Variants in FBN1 observed in about 807,000 individuals in gnomAD.
FBN1 encodes fibrillin 1, also known as fibrillin-1.
A neutral mutation model predicts 365.1 loss-of-function variants in FBN1; 29 were observed. The ratio of observed to expected loss-of-function variants is 0.08; its 90% CI spans 0.06 to 0.11. The LOEUF (loss-of-function observed/expected upper bound fraction) is 0.11, where lower values mean the gene tolerates loss of function less well. FBN1 is among the 10% of genes least tolerant of loss of function. The probability of loss-of-function intolerance (pLI) is 1.00; values close to 1 mark genes in which losing one functional copy is unlikely to be tolerated. For synonymous variants in FBN1, 1,210 were observed against 1,270.5 expected, an observed-to-expected ratio of 0.95 and a Z score of 1.01; for missense variants, 2,476 against 3,703.2, an observed-to-expected ratio of 0.67 and a Z score of 8.60.
intron 55 of FBN1, among the ~76,000 whole-genome samples, chr15:48,432,524 G>A (rs1205064973): frequency 6.6e-6 from 1 of 152,160 alleles, no homozygotes; most frequent in East Asian, 1.9e-4. Flanking sequence ...TGTATTATGA[G>A]AACGTATTTA....
intron 4 of FBN1, among the ~76,000 whole-genome samples, chr15:48,601,053 G>T (rs921022223): frequency 9.2e-5 from 14 of 152,192 alleles, no homozygotes; most frequent in Non-Finnish European, 2.1e-4. Context: ...AGCTGGATTT[G>T]CCTGAGAAAG....
At chr15:48,618,228 A>G (rs1597636435) in intron 2 of FBN1, among the ~76,000 whole-genome samples, 2 of 152,204 alleles carry the variant, frequency 1.3e-5, no homozygotes, top group South Asian at 4.1e-4. Flanking sequence ...CAAGGTTAAA[A>G]TAACTTCCAC....
At chr15:48,609,634 T>C (rs2044641956) in intron 4 of FBN1, among the ~76,000 whole-genome samples, 2 of 152,316 alleles carry the variant, frequency 1.3e-5, no homozygotes, top group Middle Eastern at 6.8e-3. Context: ...CCACTCTCCA[T>C]CTGTTGTTGG....
intron 10 of FBN1, among the ~76,000 whole-genome samples, chr15:48,517,821 T>G (rs997780698): frequency 1.3e-5 from 2 of 152,214 alleles, no homozygotes; most frequent in Non-Finnish European, 2.9e-5. Flanking sequence ...TATGCTAGTT[T>G]CAGCCATTAA....
chr15:48,466,387 T>C (rs944345790), intron 38 of FBN1, among the ~76,000 whole-genome samples: 3 of 152,230 alleles, frequency 2.0e-5, no homozygotes, highest in East Asian at 3.8e-4. Flanking sequence ...GGTGGCAATA[T>C]TGATTCTCTT....
At position 48,474,701 on chromosome 15, in the gene FBN1, G is replaced by T. The variant is rs767976652; in HGVS notation, c.3965-51C>A. 3.1e-6 allele frequency: 5 copies of T among 1,612,510 alleles called. No individual in the cohort carries two copies. In the South Asian group the frequency reaches 5.5e-5, roughly 18 times the overall value. ...AAAAGGCTCAGCACAAATGTCTTTT[G>T]GTTTTTAAAATAAGTAATATTCAAA... On this transcript the variant is annotated intron_variant, in intron 32 of 65. Coordinates refer to ENST00000316623, the MANE Select transcript of FBN1 (RefSeq NM_000138.5).
intron 6 of FBN1, 39 bp downstream of exon 6, chr15:48,596,244 C>T (rs1438622554): frequency 1.3e-6 from 2 of 1,566,958 alleles, no homozygotes; most frequent in South Asian, 1.1e-5. Context: ...GCTTTAGGTA[C>T]CAGCATGTCT....
intron 41 of FBN1, 124 bp downstream of exon 41, chr15:48,463,775 C>T: frequency 9.2e-7 from 1 of 1,087,236 alleles, no homozygotes; most frequent in African/African-American, 1.6e-5. Context: ...CCTAACAAGA[C>T]AGTGAAGGGA....
chr15:48,553,798 A>T (rs2044160280), intron 6 of FBN1, among the ~76,000 whole-genome samples: 1 of 152,236 alleles, frequency 6.6e-6, no homozygotes, highest in Middle Eastern at 3.4e-3. Context: ...CATAATTATG[A>T]GCTGGTTGTG....
rs1303268147 is a variant in FBN1 at position 48,421,673 on chromosome 15, G to A, written c.7584C>T (p.Cys2528=). ...ACCCGCACAGATTGATGTCAGAGGT[G>A]CATTCATTGTTATCTATGAGAAGCA... ...HHTSCIDNNE[C]TSDINLCGSK... is the part of the protein sequence containing the mutation. The change falls in exon 62 of 66, where the codon TGC becomes TGT. Residue 2528 remains cysteine (C), a synonymous_variant. Coordinates refer to ENST00000316623, the MANE Select transcript of FBN1 (RefSeq NM_000138.5). 1 of 1,613,678 alleles carries A rather than the reference G, an allele frequency of 6.2e-7. No individual in the cohort carries two copies. Among genetic ancestry groups the A allele is most frequent in the East Asian group, 2.2e-5 (1 of 44,870 alleles).
chr15:48,480,944 C>T (rs1304559202), intron 32 of FBN1, among the ~76,000 whole-genome samples: 1 of 152,154 alleles, frequency 6.6e-6, no homozygotes, highest in Non-Finnish European at 1.5e-5. Flanking sequence ...ATGTCATTGC[C>T]TCATATTTGA....
chr15:48,568,048 A>AGAAAGAAAGAAAGAAAGAAAGAAAGAAG (rs1566928760), intron 6 of FBN1, among the ~76,000 whole-genome samples: 1 of 77,776 alleles, frequency 1.3e-5, no homozygotes, highest in Non-Finnish European at 2.4e-5. Context: ...AAAGAAAGAA[A>AGAAAGAAAGAAAGAAAGAAAGAAAGAAG]GAAGAAAGAA....
At chr15:48,559,538 T>C (rs944611165) in intron 6 of FBN1, among the ~76,000 whole-genome samples, 10 of 152,164 alleles carry the variant, frequency 6.6e-5, no homozygotes, top group Admixed American at 5.2e-4. Context: ...GTTTTTACAA[T>C]CCTCAAGAAC....
chr15:48,504,928 C>T, intron 16 of FBN1, 97 bp downstream of exon 16: 3 of 1,499,474 alleles, frequency 2.0e-6, no homozygotes, highest in Non-Finnish European at 2.8e-6. Context: ...TTCTTTATAT[C>T]TTATCTGCTA....
chr15:48,498,626 C>T (rs1208363449), intron 18 of FBN1, among the ~76,000 whole-genome samples: 2 of 152,158 alleles, frequency 1.3e-5, no homozygotes, highest in Non-Finnish European at 2.9e-5. Flanking sequence ...TCAACTAGCC[C>T]ATCATCCCGA....
Position 48,412,757 on chromosome 15 carries a change from G to T in FBN1, c.8052-14C>A, listed in dbSNP as rs373314776. 10 of 1,614,116 alleles carry T rather than the reference G, an allele frequency of 6.2e-6. No individual in the cohort carries two copies. In the East Asian group the frequency reaches 2.2e-4, roughly 36 times the overall value. ...GAAACACAGTGCCTGCAGCAGAAGGGGAGCATAGATGTTTTTCATTAGAAT... is the reference window on the plus strand; with the variant it reads ...GAAACACAGTGCCTGCAGCAGAAGGTGAGCATAGATGTTTTTCATTAGAAT... On this transcript the variant is annotated splice_polypyrimidine_tract_variant and intron_variant, in intron 64 of 65. Coordinates refer to ENST00000316623, the MANE Select transcript of FBN1 (RefSeq NM_000138.5).
rs3784624 is a variant in FBN1, at chr15:48,423,773, T to G, written c.7453+1596A>C. ...GACTGTGGTGCAACTATCTGCACTA[T>G]TCATTTGATATTTAGTTATATATAC... On this transcript the variant is annotated intron_variant, in intron 60 of 65. Coordinates refer to ENST00000316623, the MANE Select transcript of FBN1 (RefSeq NM_000138.5). Among the ~76,000 whole-genome samples the G allele has an allele frequency of 0.016, 2,448 of 152,300 alleles. 210 individuals are homozygous for G. In the East Asian group the frequency reaches 0.25, roughly 15 times the overall value.
intron 4 of FBN1, 42 bp downstream of exon 4, chr15:48,610,686 C>T: frequency 6.9e-7 from 1 of 1,453,788 alleles, no homozygotes; most frequent in Non-Finnish European, 9.6e-7. Context: ...TGGGGTATAA[C>T]CACATAAAAT....
intron 6 of FBN1, among the ~76,000 whole-genome samples, chr15:48,543,707 T>C (rs909975792): frequency 1.3e-5 from 2 of 152,210 alleles, no homozygotes; most frequent in African/African-American, 4.8e-5. Context: ...GAGATTATTT[T>C]AGATTAAAAA....
Sources: allele counts gnomAD v4.1 joint callset (sites outside exome capture counted in the v4.1 genomes callset), GRCh38; gene constraint gnomAD v4.1.1; transcripts MANE v1.5; gene names NCBI Gene and HGNC (gene_info 2026-07-23, HGNC 2026-07-21).